The following COL5A3 variants were observed in gnomAD, a reference collection of about 807,000 sequenced individuals.
The protein encoded by COL5A3 is collagen type V alpha 3 chain.
In COL5A3, 172 loss-of-function variants were observed where a neutral mutation model predicts 250.0. The ratio of observed to expected loss-of-function variants is 0.69; its 90% CI spans 0.61 to 0.78. The LOEUF (loss-of-function observed/expected upper bound fraction) is 0.78, where lower values mean the gene tolerates loss of function less well. COL5A3 is among the 30% of genes least tolerant of loss of function. The pLI is 0.00. For missense variants in COL5A3, 2,340 were observed against 2,334.4 expected (o/e 1.00, Z -0.05); for synonymous variants, 937 against 900.4 (o/e 1.04, Z -0.73).
intron 8 of COL5A3, among the ~76,000 whole-genome samples, chr19:9,999,472 T>TTC (rs1489465811): frequency 1.4e-5 from 2 of 143,828 alleles, no homozygotes; most frequent in Non-Finnish European, 3.0e-5. Flanking sequence ...CTTTTTTCTT[T>TTC]TTTTTTTTTT....
chr19:9,968,635 G>A lies in COL5A3; in HGVS notation c.4206+40C>T, dbSNP rs560814616. ...CCAGCCAGGGAGGGAGGGAAAGAGG[G>A]GAGGAGATGGGGAAGAGAATAATGG... On this transcript the variant is annotated intron_variant, in intron 58 of 66. Transcript: ENST00000264828. The surrounding 1 kb of genome is among the most constrained non-coding windows in gnomAD (Gnocchi z 4.1). 25 of 1,603,496 alleles carry A rather than the reference G, an allele frequency of 1.6e-5. No homozygotes were observed. In the African/African-American group the frequency reaches 1.6e-4, roughly 10 times the overall value.
At chr19:9,980,889 T>C in intron 33 of COL5A3, 30 bp from the exon 34 acceptor site, 1 of 1,592,266 alleles carries the variant, frequency 6.3e-7, no homozygotes, top group East Asian at 2.3e-5. Flanking sequence ...AAAGATCAGA[T>C]ATGAGGGGGT....
intron 16 of COL5A3, among the ~76,000 whole-genome samples, chr19:9,994,785 A>T (rs761487320): frequency 4.2e-4 from 64 of 151,488 alleles, no homozygotes; most frequent in Non-Finnish European, 8.7e-4. Context: ...ACAATGTGCG[A>T]CTGTACTGAA....
At chr19:10,008,369 C>T (rs1174071813) in intron 1 of COL5A3, among the ~76,000 whole-genome samples, 1 of 150,540 alleles carries the variant, frequency 6.6e-6, no homozygotes, top group African/African-American at 2.4e-5. Flanking sequence ...AACTGACTGC[C>T]CTTTCTTTTC....
intron 1 of COL5A3, 86 bp downstream of exon 1, chr19:10,010,202 TCCCCTCCACG>T: frequency 4.6e-6 from 3 of 653,184 alleles, no homozygotes; most frequent in Admixed American, 5.9e-5. Flanking sequence ...CCCACGCCCT[TCCCCTCCACG>T]CCCCTCCACC....
intron 31 of COL5A3, among the ~76,000 whole-genome samples, chr19:9,984,237 G>A (rs1259858589): frequency 1.3e-5 from 2 of 152,116 alleles, no homozygotes; most frequent in African/African-American, 4.8e-5. Flanking sequence ...TGGCCAGGCT[G>A]GTGGTGAACT....
chr19:9,994,933 T>C (rs2087247972), intron 16 of COL5A3, among the ~76,000 whole-genome samples: 1 of 152,040 alleles, frequency 6.6e-6, no homozygotes, highest in Non-Finnish European at 1.5e-5. Flanking sequence ...TATTATTATT[T>C]TTTGAGACAC....
intron 1 of COL5A3, among the ~76,000 whole-genome samples, chr19:10,006,817 G>T (rs572917686): frequency 6.6e-6 from 1 of 150,380 alleles, no homozygotes; most frequent in South Asian, 2.1e-4. Context: ...CTGACCTTCT[G>T]ATCTTCTTCT....
chr19:9,974,520 T>A (rs34006676), intron 45 of COL5A3, 112 bp from the exon 46 acceptor site: 1 of 761,338 alleles, frequency 1.3e-6, no homozygotes, highest in Non-Finnish European at 2.0e-6. Context: ...TCAGATTAAG[T>A]TTAGAGAGGG....
intron 16 of COL5A3, 91 bp from the exon 17 acceptor site, chr19:9,993,897 ATT>A: frequency 1.8e-6 from 2 of 1,142,506 alleles, no homozygotes; most frequent in Non-Finnish European, 2.5e-6. Context: ...CAACATCAAG[ATT>A]TTTTTTTTGA....
intron 64 of COL5A3, among the ~76,000 whole-genome samples, chr19:9,965,300 G>A (rs980189920): frequency 1.3e-5 from 2 of 150,822 alleles, no homozygotes; most frequent in African/African-American, 2.4e-5. Context: ...GACTACAGGC[G>A]CCTGCCACCA....
chr19:9,978,672 C>T, intron 40 of COL5A3, 45 bp from the exon 41 acceptor site: 2 of 1,352,254 alleles, frequency 1.5e-6, no homozygotes, highest in Non-Finnish European at 2.0e-6. Context: ...CCAAAGGTGT[C>T]CCCAGGTCCT....
At chr19:9,964,406 C>G (rs1163381147) in intron 64 of COL5A3, among the ~76,000 whole-genome samples, 11 of 152,048 alleles carry the variant, frequency 7.2e-5, no homozygotes, top group Admixed American at 7.2e-4. Flanking sequence ...TCAAGACCAG[C>G]CTGGGCAACA....
At position 10,010,307 on chromosome 19, in the gene COL5A3, T is replaced by G. The variant is rs2087511875; in HGVS notation, c.79A>C (p.Thr27Pro). The change falls in exon 1 of 67, where the codon ACG becomes CCG. Residue 27 changes from threonine to proline, a missense_variant. By Grantham distance (38) the Thr-to-Pro change is conservative. Transcript: ENST00000264828. ...LLAALQLLPG[T>P]QADPVDVLKA... ...TTCCCTCCCGGCTCACCGGCCTGCG[T>G]CCCCGGCAGAAGCTGCAGCGCGGCC... 1 of 1,450,420 alleles carries G rather than the reference T, an allele frequency of 6.9e-7. No homozygotes were observed. The highest frequency in any genetic ancestry group is 9.1e-7 in the Non-Finnish European group (1 of 1,096,086). The allele number at this position is 1,450,420 out of a possible 1,614,324, so 89.8% of individuals were successfully genotyped here. A position where few individuals can be genotyped will look rare whatever the true frequency, so the allele number is the denominator to read the frequency against.
At chr19:9,999,812 G>A (rs1031018668) in intron 8 of COL5A3, among the ~76,000 whole-genome samples, 4 of 151,846 alleles carry the variant, frequency 2.6e-5, no homozygotes, top group Non-Finnish European at 5.9e-5. Flanking sequence ...TCTGCCACCC[G>A]GGCTGCAGTG....
rs777833474 is a variant in COL5A3 at position 9,960,414 on chromosome 19, G to C, written c.5235C>G (p.Ser1745Arg). The change falls in exon 67 of 67, where the codon AGC becomes AGG. Residue 1745 changes from serine (S) to arginine (R), a missense_variant. Physicochemically the swap from Ser to Arg is moderately radical, Grantham distance 110 (BLOSUM62 -1). Coordinates refer to ENST00000264828, the MANE Select transcript of COL5A3 (RefSeq NM_015719.4). The part of the protein sequence containing the change: ...GFELGPVCFS[S>R] ...GTCCCTCCCACCCCGGACACTCTCA[G>C]CTGCTGAAGCAGACGGGGCCCAGTT... The C allele has an allele frequency of 6.2e-7, 1 of 1,614,184 alleles. No individual in the cohort carries two copies. The highest frequency in any genetic ancestry group is 8.5e-7 in the Non-Finnish European group (1 of 1,180,034).
intron 15 of COL5A3, 134 bp from the exon 16 acceptor site, chr19:9,995,751 C>T (rs1167941834): frequency 6.5e-6 from 4 of 618,590 alleles, no homozygotes; most frequent in South Asian, 5.3e-5. Flanking sequence ...AGCAATACTC[C>T]CTCCTCAGCC....
intron 21 of COL5A3, 52 bp from the exon 22 acceptor site, chr19:9,992,100 G>A (rs748200091): frequency 4.6e-6 from 7 of 1,537,072 alleles, no homozygotes; most frequent in Non-Finnish European, 5.4e-6. Flanking sequence ...CTGGGAGCCT[G>A]AGTCTGAGAC....
At chr19:9,997,932 C>T (rs371762957) in intron 10 of COL5A3, 52 bp downstream of exon 10, 28 of 1,603,252 alleles carry the variant, frequency 1.7e-5, no homozygotes, top group Admixed American at 3.3e-5. Flanking sequence ...GGATTAAACA[C>T]CCCTCAGCTG....
Sources: gnomAD v4.1 joint callset for allele counts (sites outside exome capture counted in the v4.1 genomes callset) on GRCh38, gnomAD v4.1.1 for gene constraint, Gnocchi (gnomAD v3.1) non-coding constraint, MANE v1.5 for transcripts, NCBI Gene and HGNC (gene_info 2026-07-23, HGNC 2026-07-21) for gene names.